Variants in SLC75A1 observed in about 807,000 individuals in gnomAD.
SLC75A1 encodes the protein major facilitator superfamily domain containing 10.
chr4:2,933,262 CT>C, the SLC75A1 span: 1 of 1,547,696 alleles, frequency 6.5e-7, no homozygotes, highest in Middle Eastern at 1.7e-4. Context: ...GAGCTGTGGT[CT>C]TGGGGCCCTC....
At chr4:2,933,722 G>A in the SLC75A1 span, 6 of 1,606,902 alleles carry the variant, frequency 3.7e-6, no homozygotes, top group South Asian at 6.6e-5. Flanking sequence ...GGGGGGCAGG[G>A]GGCACTGTGG....
the SLC75A1 span, chr4:2,932,187 G>A: frequency 3.4e-5 from 54 of 1,576,900 alleles, no homozygotes; most frequent in Admixed American, 7.5e-5. Flanking sequence ...CTGCAGGAGC[G>A]GCTGCTGGCC....
the SLC75A1 span, chr4:2,931,251 G>A: frequency 1.3e-6 from 2 of 1,563,796 alleles, no homozygotes; most frequent in African/African-American, 1.4e-5. Flanking sequence ...ACGGAGGACA[G>A]GCAGGGCACC....
the SLC75A1 span, chr4:2,931,795 A>T: frequency 1.3e-6 from 2 of 1,565,518 alleles, no homozygotes. Flanking sequence ...TTTCAGGGAG[A>T]CAGCAGGCCG....
the SLC75A1 span, chr4:2,932,006 G>A: frequency 2.5e-6 from 4 of 1,606,228 alleles, no homozygotes; most frequent in Non-Finnish European, 3.4e-6. Context: ...GAAGCCCAGG[G>A]GAGAGCAGGC....
the SLC75A1 span, chr4:2,933,823 A>C: frequency 6.3e-7 from 1 of 1,590,754 alleles, no homozygotes; most frequent in South Asian, 1.1e-5. Flanking sequence ...CAGGAGGTCC[A>C]GCAGGAGGCC....
At chr4:2,932,829 G>A in the SLC75A1 span, 1 of 1,503,912 alleles carries the variant, frequency 6.6e-7, no homozygotes, top group Non-Finnish European at 8.9e-7. Flanking sequence ...GTAGGGCTTG[G>A]CAACCCAGAC....
At chr4:2,932,806 G>A in the SLC75A1 span, 3 of 1,526,430 alleles carry the variant, frequency 2.0e-6, no homozygotes, top group Non-Finnish European at 2.6e-6. Context: ...CTTAAGGCCA[G>A]GAGTGGCTCA....
chr4:2,932,165 G>T, the SLC75A1 span: 2 of 1,596,296 alleles, frequency 1.3e-6, no homozygotes, highest in South Asian at 2.2e-5. Flanking sequence ...TGTGGGGATG[G>T]CATTGGAGAG....
chr4:2,933,512 G>T, the SLC75A1 span: 1 of 1,577,628 alleles, frequency 6.3e-7, no homozygotes, highest in Non-Finnish European at 8.7e-7. Flanking sequence ...GCTGGACCAC[G>T]TCCACCAAAC....
chr4:2,932,150 G>C, the SLC75A1 span: 1 of 1,604,684 alleles, frequency 6.2e-7, no homozygotes, highest in Non-Finnish European at 8.5e-7. Flanking sequence ...GCGATAGAGG[G>C]CGCCTGTGGG....
the SLC75A1 span, chr4:2,933,154 C>T: frequency 2.5e-6 from 4 of 1,613,594 alleles, no homozygotes; most frequent in African/African-American, 5.3e-5. Context: ...CAGAGGTGGC[C>T]CCAGTGAGTG....
the SLC75A1 span, chr4:2,931,423 C>T: frequency 6.4e-7 from 1 of 1,555,438 alleles, no homozygotes; most frequent in Non-Finnish European, 8.7e-7. Flanking sequence ...AGAGAACGTC[C>T]CCAGCCGATG....
chr4:2,932,471 G>A, the SLC75A1 span: 225 of 1,613,752 alleles, frequency 1.4e-4, 1 homozygote, highest in Admixed American at 3.7e-3. Flanking sequence ...CGAGCATAGG[G>A]CCCAGGGTGA....
chr4:2,932,152 G>A, the SLC75A1 span: 20 of 1,604,002 alleles, frequency 1.2e-5, 1 homozygote, highest in Middle Eastern at 1.7e-4. Context: ...GATAGAGGGC[G>A]CCTGTGGGGA....
At chr4:2,934,096 G>GC in the SLC75A1 span, 2 of 695,834 alleles carry the variant, frequency 2.9e-6, no homozygotes, top group Admixed American at 5.9e-5. Context: ...CCTGCGCGAT[G>GC]CCCCCGCCCC....
chr4:2,931,844 GGT>G, the SLC75A1 span: 1 of 1,606,314 alleles, frequency 6.2e-7, no homozygotes, highest in African/African-American at 1.3e-5. Flanking sequence ...TGGAAGCGCT[GGT>G]GTGTGAGGAA....
the SLC75A1 span, chr4:2,931,342 C>A: frequency 6.5e-7 from 1 of 1,543,722 alleles, no homozygotes; most frequent in East Asian, 2.5e-5. Flanking sequence ...CCCTGCTGCC[C>A]ATCGGATCCC....
chr4:2,932,748 G>A, the SLC75A1 span: 6 of 1,566,514 alleles, frequency 3.8e-6, no homozygotes, highest in Admixed American at 1.1e-4. Context: ...ATATGAGGTG[G>A]CCACACCCAT....
Sources: gnomAD v4.1 joint callset for allele counts on GRCh38, gnomAD v4.1.1 for gene constraint, MANE v1.5 for transcripts, NCBI Gene and HGNC (gene_info 2026-07-23, HGNC 2026-07-21) for gene names.